The following TNN variants were observed in gnomAD, a reference collection of about 807,000 sequenced individuals.
TNN encodes tenascin-N.
In TNN, 122 loss-of-function variants were observed where a neutral mutation model predicts 134.4. The observed-to-expected ratio is 0.91, with a 90% CI of 0.78 to 1.06. The LOEUF is 1.06. TNN is among the 50% of genes least tolerant of loss of function. The probability of loss-of-function intolerance (pLI) is 0.00; values close to 1 mark genes in which losing one functional copy is unlikely to be tolerated. For synonymous variants in TNN, 710 were observed against 670.3 expected (o/e 1.06, Z -0.91); for missense variants, 1,739 against 1,699.4 (o/e 1.02, Z -0.41).
rs186440046 is a variant in TNN at position 175,110,534 on chromosome 1, A to C, written c.2120-6405A>C. 8.6e-4 allele frequency among the ~76,000 whole-genome samples: 131 copies of C among 152,334 alleles called. 1 individual carries two copies. Among genetic ancestry groups the C allele is most frequent in the African/African-American group, 3.1e-3 (127 of 41,572 alleles). On this transcript the variant is annotated intron_variant, in intron 9 of 18. Coordinates refer to ENST00000239462, the MANE Select transcript of TNN (RefSeq NM_022093.2). ...TTAATTCTTTAATCCACTTTAATTT[A>C]ATTTTTGAATACGGTGAGAAATAGA...
At chr1:175,133,273 T>A (rs1476060) in intron 15 of TNN, among the ~76,000 whole-genome samples, 134,904 of 152,272 alleles carry the variant, frequency 0.89, 59,994 homozygotes, top group African/African-American at 0.94. Context: ...CTCCAAACAG[T>A]GGAATTTTTG....
At chr1:175,080,076 C>T in intron 3 of TNN, 87 bp from the exon 4 acceptor site, 3 of 1,539,372 alleles carry the variant, frequency 1.9e-6, no homozygotes, top group Non-Finnish European at 2.6e-6. Flanking sequence ...CCTGCACACC[C>T]ACCCTTATAG....
chr1:175,147,120 TTGG>T lies in TNN; in HGVS notation c.*50_*52del. ...AGGAGACACCACCAGCTGTGGCAGC[TTGG>T]GGCGGGGTGGGTAGTGGTCACTGCG... On this transcript the variant is annotated 3_prime_UTR_variant, in exon 19 of 19. Transcript: ENST00000239462. The T allele has an allele frequency of 6.9e-7, 1 of 1,443,150 alleles. No homozygotes were observed. The highest frequency in any genetic ancestry group is 9.2e-7 in the Non-Finnish European group (1 of 1,085,880). The allele number at this position is 1,443,150 out of a possible 1,614,324, so 89.4% of individuals were successfully genotyped here.
chr1:175,095,121 G>A (rs1366849395), intron 7 of TNN, among the ~76,000 whole-genome samples: 2 of 152,162 alleles, frequency 1.3e-5, no homozygotes, highest in African/African-American at 2.4e-5. Flanking sequence ...TGATTTTTTA[G>A]AATGTTAATC....
chr1:175,072,876 A>G (rs1423280012), intron 1 of TNN, among the ~76,000 whole-genome samples: 2 of 147,262 alleles, frequency 1.4e-5, no homozygotes, highest in Non-Finnish European at 3.0e-5. Context: ...CAAATGCTGT[A>G]GACCTGGGCT....
intron 11 of TNN, among the ~76,000 whole-genome samples, chr1:175,119,641 T>TC: frequency 6.8e-6 from 1 of 147,232 alleles, no homozygotes; most frequent in East Asian, 2.0e-4. Context: ...TTTTTTTCTT[T>TC]TTTTTTTTTT....
chr1:175,081,633 T>C (rs1674199842), intron 4 of TNN, among the ~76,000 whole-genome samples: 1 of 152,144 alleles, frequency 6.6e-6, no homozygotes, highest in South Asian at 2.1e-4. Flanking sequence ...TCACCATATG[T>C]GATTACCTTT....
At chr1:175,080,033 G>A in intron 3 of TNN, 130 bp from the exon 4 acceptor site, 1 of 1,226,876 alleles carries the variant, frequency 8.2e-7, no homozygotes, top group Non-Finnish European at 1.1e-6. Context: ...TAACTTCTAG[G>A]GGTCGGGAAT....
At chr1:175,145,310 T>A (rs544040929) in intron 18 of TNN, among the ~76,000 whole-genome samples, 6 of 151,992 alleles carry the variant, frequency 3.9e-5, no homozygotes, top group Non-Finnish European at 7.4e-5. Flanking sequence ...CCCAGCACTC[T>A]GGGAGGCTGA....
At chr1:175,140,750 A>T (rs1419805208) in intron 17 of TNN, among the ~76,000 whole-genome samples, 1 of 152,192 alleles carries the variant, frequency 6.6e-6, no homozygotes, top group African/African-American at 2.4e-5. Context: ...TTAGGCAGCG[A>T]TCTAGTCTTC....
intron 9 of TNN, among the ~76,000 whole-genome samples, chr1:175,100,542 G>A (rs1343109136): frequency 6.6e-6 from 1 of 152,194 alleles, no homozygotes; most frequent in East Asian, 1.9e-4. Context: ...TCACAAAACT[G>A]TTGTTGATCT....
chr1:175,079,631 C>T lies in TNN; in HGVS notation c.708C>T (p.Asp236=), dbSNP rs1674145263. Residue 236 remains aspartate, a synonymous_variant, in exon 3 of 19, where the codon GAC becomes GAT. Coordinates refer to ENST00000239462, the MANE Select transcript of TNN (RefSeq NM_022093.2). ...GCAGCGAGAAGCGCTGTCCCGGCGA[C>T]TGCAGCGGCCACGGCTTCTGTGACA... The part of the protein sequence containing the change: ...EDCSEKRCPG[D]CSGHGFCDTG... The T allele has an allele frequency of 6.2e-7, 1 of 1,606,504 alleles. No individual in the cohort carries two copies. The highest frequency in any genetic ancestry group is 8.5e-7 in the Non-Finnish European group (1 of 1,177,692).
intron 4 of TNN, among the ~76,000 whole-genome samples, chr1:175,081,246 T>G (rs565104648): frequency 9.3e-4 from 141 of 152,262 alleles, no homozygotes; most frequent in Non-Finnish European, 1.7e-3. Flanking sequence ...GCCACCAAAA[T>G]GTTTAGAAGG....
chr1:175,093,787 G>C (rs1574148856), intron 6 of TNN, among the ~76,000 whole-genome samples: 1 of 152,164 alleles, frequency 6.6e-6, no homozygotes, highest in East Asian at 1.9e-4. Flanking sequence ...GGAATGGATT[G>C]TGTTGTCTAT....
At chr1:175,084,200 C>T (rs1369504279) in intron 5 of TNN, among the ~76,000 whole-genome samples, 1 of 152,226 alleles carries the variant, frequency 6.6e-6, no homozygotes, top group Non-Finnish European at 1.5e-5. Flanking sequence ...AGTCAGCAAA[C>T]TCTCTTGAAG....
rs773513606 is a variant in TNN at position 175,098,319 on chromosome 1, A to T, written c.1856-13A>T. Reference sequence around the variant, plus strand: ...CTTCAGAGCTTAAACCTTTCCAAACATTTTCCTTCCAGATATTGACAGCCC... The same window carrying T: ...CTTCAGAGCTTAAACCTTTCCAAACTTTTTCCTTCCAGATATTGACAGCCC... On this transcript the variant is annotated splice_polypyrimidine_tract_variant and intron_variant, in intron 8 of 18. Transcript: ENST00000239462. 6.2e-7 allele frequency: 1 copy of T among 1,613,948 alleles called. No homozygotes were observed.
At chr1:175,075,857 A>G (rs1416605464) in intron 1 of TNN, among the ~76,000 whole-genome samples, 2 of 152,162 alleles carry the variant, frequency 1.3e-5, no homozygotes, top group South Asian at 2.1e-4. Flanking sequence ...CCATATCCCA[A>G]CTGCCTCTCA....
chr1:175,087,203 T>C (rs1674339416), intron 6 of TNN, among the ~76,000 whole-genome samples: 1 of 152,204 alleles, frequency 6.6e-6, no homozygotes, highest in Non-Finnish European at 1.5e-5. Context: ...AGAAACAATC[T>C]GTGGTCTGTA....
chr1:175,126,328 T>C (rs904141293), intron 12 of TNN, among the ~76,000 whole-genome samples: 1 of 152,036 alleles, frequency 6.6e-6, no homozygotes, highest in Admixed American at 6.6e-5. Context: ...TGTCGAACTC[T>C]TGACCTTGTG....
Sources: allele counts gnomAD v4.1 joint callset (sites outside exome capture counted in the v4.1 genomes callset), GRCh38; gene constraint gnomAD v4.1.1; transcripts MANE v1.5; gene names NCBI Gene and HGNC (gene_info 2026-07-23, HGNC 2026-07-21).